Variants in HABP4 observed in about 807,000 individuals in gnomAD.
HABP4 encodes the protein intracellular hyaluronan-binding protein 4.
Under a neutral mutation model 44.1 loss-of-function variants are expected in HABP4, and 32 were observed. That is an observed-to-expected ratio of 0.73 (90% CI 0.55 to 0.97). The LOEUF is 0.97. Among genes scored for constraint, HABP4 ranks in the 50% least tolerant of loss-of-function variants. The probability of loss-of-function intolerance (pLI) is 0.00; values close to 1 mark genes in which losing one functional copy is unlikely to be tolerated. For missense variants in HABP4, 503 were observed against 561.9 expected (o/e 0.90, Z 1.06); for synonymous variants, 216 against 218.0 (o/e 0.99, Z 0.08).
rs1244134892 is a variant in HABP4, at chr9:96,458,550, T to G, written c.512+9T>G. 1 of 1,602,116 alleles carries G rather than the reference T, an allele frequency of 6.2e-7. No individual in the cohort carries two copies. The highest frequency in any genetic ancestry group is 8.6e-7 in the Non-Finnish European group (1 of 1,169,426). On this transcript the variant is annotated intron_variant, in intron 2 of 7. Transcript: ENST00000375249. The stretch of plus-strand genomic sequence containing the variant: ...AAGTTTCCAGATGAAAAGTATGTGC[T>G]GCAGTCCTCAGCAGGGCGGGTGGGG...
In HABP4 at chr9:96,490,117, G is replaced by C; in HGVS notation, c.*79G>C. On this transcript the variant is annotated 3_prime_UTR_variant, in exon 8 of 8. Transcript: ENST00000375249. ...TTTTCCAGCTGGGCCAAGGGAGTCAGACTCTAAGAACAATAGATGTTGCTT... is the reference window on the plus strand; with the variant it reads ...TTTTCCAGCTGGGCCAAGGGAGTCACACTCTAAGAACAATAGATGTTGCTT... 1 of 859,732 alleles carries C rather than the reference G, an allele frequency of 1.2e-6. No homozygotes were observed. Among genetic ancestry groups the C allele is most frequent in the South Asian group, 1.3e-5 (1 of 74,996 alleles). The allele number at this position is 859,732 out of a possible 1,614,324, so 53.3% of individuals were successfully genotyped here. A position where few individuals can be genotyped will look rare whatever the true frequency, so the allele number is the denominator to read the frequency against.
chr9:96,480,965 C>T lies in HABP4; in HGVS notation c.828-3497C>T, dbSNP rs560011389. Among the ~76,000 whole-genome samples, 8 of 152,264 alleles carry T rather than the reference C, an allele frequency of 5.3e-5. No homozygotes were observed. In the South Asian group the frequency reaches 1.7e-3, roughly 32 times the overall value. ...TTGGATGCTCTGTGGTTAGGTTTCT[C>T]TACTGATTTTGCTTATATTTTTCAT... On this transcript the variant is annotated intron_variant, in intron 5 of 7. Transcript: ENST00000375249.
At chr9:96,481,472 G>A (rs12552045) in intron 5 of HABP4, among the ~76,000 whole-genome samples, 24,904 of 152,012 alleles carry the variant, frequency 0.16, 2,656 homozygotes, top group East Asian at 0.29. Context: ...GCCAGGTGTG[G>A]TGGTTCAGAT....
chr9:96,481,572 G>A (rs1308564821), intron 5 of HABP4, among the ~76,000 whole-genome samples: 1 of 151,922 alleles, frequency 6.6e-6, no homozygotes, highest in Non-Finnish European at 1.5e-5. Flanking sequence ...GAGAGACCCC[G>A]TCTCTACAAA....
At chr9:96,473,622 C>T (rs1315527617) in intron 5 of HABP4, among the ~76,000 whole-genome samples, 2 of 152,158 alleles carry the variant, frequency 1.3e-5, no homozygotes, top group Admixed American at 6.5e-5. Flanking sequence ...TTCTGACCTG[C>T]AGAGTCCTGT....
chr9:96,475,064 T>C (rs1479543355), intron 5 of HABP4, among the ~76,000 whole-genome samples: 2 of 152,154 alleles, frequency 1.3e-5, no homozygotes, highest in Non-Finnish European at 2.9e-5. Flanking sequence ...GACGACTCTT[T>C]GTATTTTGTT....
intron 2 of HABP4, among the ~76,000 whole-genome samples, chr9:96,464,600 A>G (rs993553940): frequency 3.3e-5 from 5 of 152,200 alleles, no homozygotes; most frequent in African/African-American, 4.8e-5. Flanking sequence ...GGTATTATCT[A>G]TTCCAAAAAT....
chr9:96,452,213 C>T (rs867375055), intron 1 of HABP4, among the ~76,000 whole-genome samples: 26 of 131,504 alleles, frequency 2.0e-4, no homozygotes, highest in Non-Finnish European at 2.5e-4. Flanking sequence ...GGAGAAAGAG[C>T]GAGACTCCGT....
upstream of HABP4, chr9:96,450,149 C>T (rs1486133204): frequency 2.1e-6 from 2 of 947,398 alleles, no homozygotes; most frequent in African/African-American, 1.7e-5. The surrounding 1 kb of genome is among the most constrained non-coding windows in gnomAD (Gnocchi z 4.8). Context: ...GGGCGGGCGC[C>T]GGTAGGGGCC....
chr9:96,471,004 T>C lies in HABP4; in HGVS notation c.744-7T>C. On this transcript the variant is annotated splice_polypyrimidine_tract_variant and splice_region_variant and intron_variant, in intron 4 of 7. Transcript: ENST00000375249. The stretch of plus-strand genomic sequence containing the variant: ...GTGTGACTAGAGAGGGTCTTGCTGT[T>C]TTTCAGTGATGTGGAGCCAACTGCA... The C allele has an allele frequency of 6.5e-7, 1 of 1,547,786 alleles. No individual in the cohort carries two copies. The highest frequency in any genetic ancestry group is 8.9e-7 in the Non-Finnish European group (1 of 1,119,490).
chr9:96,450,348 G>T lies in HABP4; in HGVS notation c.69G>T (p.Val23=). The change falls in exon 1 of 8, where the codon GTG becomes GTT. Residue 23 remains valine, a synonymous_variant. Transcript: ENST00000375249. This position sits in a 1 kb window ranked among gnomAD's most constrained non-coding sequence, Gnocchi z 4.8. The stretch of plus-strand genomic sequence containing the variant: ...CGATGCAGGAGAGTTTCGGCTGCGT[G>T]GTGGCCAACCGCTTCCATCAGCTGC... ...GAAMQESFGC[V]VANRFHQLLD... 3 of 1,476,948 alleles carry T rather than the reference G, an allele frequency of 2.0e-6. No individual in the cohort carries two copies. The highest frequency in any genetic ancestry group is 2.7e-6 in the Non-Finnish European group (3 of 1,106,304). 91.5% of individuals were successfully genotyped at this position (1,476,948 alleles called of 1,614,324 possible).
chr9:96,487,005 C>T (rs188613770), intron 6 of HABP4, among the ~76,000 whole-genome samples: 4 of 152,156 alleles, frequency 2.6e-5, no homozygotes, highest in Middle Eastern at 3.4e-3. Flanking sequence ...TTGCCTGTTA[C>T]TATTTTTTGT....
intron 5 of HABP4, among the ~76,000 whole-genome samples, chr9:96,474,620 C>T (rs760905610): frequency 6.6e-6 from 1 of 152,024 alleles, no homozygotes; most frequent in Non-Finnish European, 1.5e-5. Context: ...ATTGAGTGAC[C>T]GTGCCGAGAG....
chr9:96,465,297 C>G, intron 2 of HABP4, 40 bp from the exon 3 acceptor site: 1 of 1,402,930 alleles, frequency 7.1e-7, no homozygotes, highest in South Asian at 1.2e-5. Context: ...GACCTTAGAC[C>G]TTTAATTTAC....
At chr9:96,467,416 AT>A (rs1402948034) in intron 4 of HABP4, among the ~76,000 whole-genome samples, 1 of 151,530 alleles carries the variant, frequency 6.6e-6, no homozygotes, top group African/African-American at 2.4e-5. Context: ...AGATCTTTTA[AT>A]TTTGTTTTAT....
Position 96,450,365 on chromosome 9 carries a change from A to G in HABP4, c.86A>G (p.His29Arg), listed in dbSNP as rs1832244766. 1.6e-6 allele frequency: 2 copies of G among 1,283,332 alleles called. No individual in the cohort carries two copies. The highest frequency in any genetic ancestry group is 1.0e-6 in the Non-Finnish European group (1 of 986,594). 79.5% of individuals were successfully genotyped at this position (1,283,332 alleles called of 1,614,324 possible). A position where few individuals can be genotyped will look rare whatever the true frequency, so the allele number is the denominator to read the frequency against. ...SFGCVVANRFHQLLDDESDPF... is the reference protein window; with the variant it reads ...SFGCVVANRFRQLLDDESDPF... ...GGCTGCGTGGTGGCCAACCGCTTCC[A>G]TCAGCTGCTGGACGACGAGTCGGAC... Residue 29 changes from histidine (H) to arginine (R), a missense_variant, in exon 1 of 8, where the codon CAT becomes CGT. Physicochemically the swap from His to Arg is conservative, Grantham distance 29. This residue lies in a region of HABP4 where 290 missense variants were observed against 300.5 expected (regional missense o/e 0.97). Transcript: ENST00000375249. The surrounding 1 kb of genome is among the most constrained non-coding windows in gnomAD (Gnocchi z 4.8).
chr9:96,459,462 C>T (rs189681702), intron 2 of HABP4, among the ~76,000 whole-genome samples: 4 of 152,180 alleles, frequency 2.6e-5, no homozygotes, highest in East Asian at 1.9e-4. Flanking sequence ...CACCTCAACA[C>T]GGGGAGGGGT....
chr9:96,463,941 C>A (rs1298808569), intron 2 of HABP4, among the ~76,000 whole-genome samples: 1 of 152,130 alleles, frequency 6.6e-6, no homozygotes, highest in South Asian at 2.1e-4. Flanking sequence ...TTTTTAAAAG[C>A]CTTTCCAAAT....
chr9:96,483,287 A>T (rs924904669), intron 5 of HABP4: 1 of 152,188 alleles, frequency 6.6e-6, no homozygotes, highest in African/African-American at 2.4e-5. Flanking sequence ...CTCTGGAAAA[A>T]TGTTCACTCA....
Sources: allele counts gnomAD v4.1 joint callset (sites outside exome capture counted in the v4.1 genomes callset), GRCh38; gene constraint gnomAD v4.1.1; regional missense constraint gnomAD v4.1.1; non-coding constraint Gnocchi (gnomAD v3.1); transcripts MANE v1.5; gene names NCBI Gene and HGNC (gene_info 2026-07-23, HGNC 2026-07-21).